Variants in PCDHGB2 observed in about 807,000 individuals in gnomAD.
The protein encoded by PCDHGB2 is protocadherin gamma subfamily B, 2.
In PCDHGB2, 55 loss-of-function variants were observed where a neutral mutation model predicts 59.3. The observed-to-expected ratio is 0.93, with a 90% CI of 0.75 to 1.16. The LOEUF is 1.16. Among genes scored for constraint, PCDHGB2 ranks in the 50% most tolerant of loss-of-function variants. PCDHGB2 has a pLI of 0.00. For synonymous variants in PCDHGB2, 516 were observed against 512.0 expected (o/e 1.01, Z -0.11); for missense variants, 1,228 against 1,198.5 (o/e 1.02, Z -0.36).
In PCDHGB2 at chr5:141,427,967, G is replaced by A. The variant is rs535332244; in HGVS notation, c.2421+65411G>A. On this transcript the variant is annotated intron_variant, in intron 1 of 3. Coordinates refer to ENST00000522605, the MANE Select transcript of PCDHGB2 (RefSeq NM_018923.3). The stretch of plus-strand genomic sequence containing the variant: ...TCAATGACAATGTGCCGCGGGTGCT[G>A]TACCCCGCGCTGGGGCCCGATGGCT... 10 of 1,591,190 alleles carry A rather than the reference G, an allele frequency of 6.3e-6. No individual in the cohort carries two copies. In the East Asian group the frequency reaches 8.9e-5, roughly 14 times the overall value.
intron 1 of PCDHGB2, chr5:141,365,874 A>G (rs1015574143): frequency 3.1e-6 from 5 of 1,613,932 alleles, no homozygotes; most frequent in African/African-American, 2.7e-5. Flanking sequence ...GGTGTCCTGT[A>G]TGCTCTGAGA....
rs2233612 is a variant in PCDHGB2 at position 141,511,014 on chromosome 5, A to G, written c.2637A>G (p.Gly879=). 8.6e-4 allele frequency: 1,386 copies of G among 1,614,082 alleles called. 14 individuals are homozygous for G. The African/African-American group carries it at 0.017, about 20-fold the overall frequency. The change falls in exon 4 of 4, where the codon GGA becomes GGG. Residue 879 remains glycine, a synonymous_variant. Coordinates refer to ENST00000522605, the MANE Select transcript of PCDHGB2 (RefSeq NM_018923.3). ...AGTMGLSARY[G]PQFTLQHVPD... ...CCATGGGATTGAGCGCCCGCTACGG[A>G]CCCCAGTTCACCCTGCAGCACGTGC...
chr5:141,423,260 G>A (rs1402237346), intron 1 of PCDHGB2: 2 of 1,613,996 alleles, frequency 1.2e-6, no homozygotes, highest in South Asian at 1.1e-5. Flanking sequence ...GACCTCGGCA[G>A]CCTCGAGTCT....
intron 1 of PCDHGB2, chr5:141,423,261 C>T (rs1181343306): frequency 6.2e-7 from 1 of 1,613,870 alleles, no homozygotes; most frequent in Non-Finnish European, 8.5e-7. Flanking sequence ...ACCTCGGCAG[C>T]CTCGAGTCTC....
rs759187963 is a variant in PCDHGB2, at chr5:141,361,482, C to A, written c.1347C>A (p.Ala449=). The A allele has an allele frequency of 2.5e-6, 4 of 1,613,988 alleles. No homozygotes were observed. Among genetic ancestry groups the A allele is most frequent in the Non-Finnish European group, 3.4e-6 (4 of 1,179,892 alleles). The change falls in exon 1 of 4, where the codon GCC becomes GCA. Residue 449 remains alanine, a synonymous_variant. Transcript: ENST00000522605. ...TLHISDVNDN[A]PVFQQTSYMV... is the part of the protein sequence containing the mutation. The stretch of plus-strand genomic sequence containing the variant: ...ACATCTCCGACGTCAACGATAATGC[C>A]CCAGTTTTCCAACAGACTTCCTACA...
chr5:141,374,773 A>T (rs192855761), intron 1 of PCDHGB2: 9 of 1,613,812 alleles, frequency 5.6e-6, no homozygotes, highest in Middle Eastern at 1.6e-4. Context: ...AAATTCTGGT[A>T]ACAGTTCTAG....
At chr5:141,405,074 G>A (rs536930748) in intron 1 of PCDHGB2, 7 of 1,613,794 alleles carry the variant, frequency 4.3e-6, no homozygotes, top group Non-Finnish European at 5.1e-6. Context: ...CCTCACCTTC[G>A]TTATCACGCT....
chr5:141,405,901 G>A (rs954255473), intron 1 of PCDHGB2, among the ~76,000 whole-genome samples: 1 of 152,092 alleles, frequency 6.6e-6, no homozygotes, highest in Non-Finnish European at 1.5e-5. Context: ...ACTGAAAGGA[G>A]GCATTTATTA....
At chr5:141,427,198 T>G (rs1345851173) in intron 1 of PCDHGB2, 1 of 456,584 alleles carries the variant, frequency 2.2e-6, no homozygotes, top group African/African-American at 2.0e-5. Flanking sequence ...AAAGACTTAA[T>G]AGACTTCGAA....
intron 1 of PCDHGB2, chr5:141,371,847 G>C: frequency 6.2e-7 from 1 of 1,613,670 alleles, no homozygotes; most frequent in Non-Finnish European, 8.5e-7. Flanking sequence ...GGGACCTAAT[G>C]GCCTTGTCTC....
At chr5:141,386,678 G>T (rs1376452903) in intron 1 of PCDHGB2, among the ~76,000 whole-genome samples, 2 of 152,012 alleles carry the variant, frequency 1.3e-5, no homozygotes, top group African/African-American at 4.8e-5. Context: ...CATTTCAGAT[G>T]TACAATCACT....
intron 2 of PCDHGB2, among the ~76,000 whole-genome samples, chr5:141,496,903 A>G (rs990378360): frequency 1.1e-4 from 16 of 150,744 alleles, no homozygotes; most frequent in Non-Finnish European, 2.4e-4. Flanking sequence ...AAAAAAAAAA[A>G]GGCTGGGCAC....
At chr5:141,481,813 G>C (rs185558948) in intron 1 of PCDHGB2, among the ~76,000 whole-genome samples, 1 of 151,824 alleles carries the variant, frequency 6.6e-6, no homozygotes, top group African/African-American at 2.4e-5. Flanking sequence ...TTCACCAGGC[G>C]TGGTGGCTGA....
rs762662380 is a variant in PCDHGB2, at chr5:141,419,561, G to A, written c.2421+57005G>A. 9 of 1,611,728 alleles carry A rather than the reference G, an allele frequency of 5.6e-6. No individual in the cohort carries two copies. The Admixed American group carries it at 1.2e-4, about 21-fold the overall frequency. The stretch of plus-strand genomic sequence containing the variant: ...ACCGCGGGTGCTGTACCCTGCGCTG[G>A]GTCCCGACGGCTCCGCGCTCTTCGA... On this transcript the variant is annotated intron_variant, in intron 1 of 3. Coordinates refer to ENST00000522605, the MANE Select transcript of PCDHGB2 (RefSeq NM_018923.3).
chr5:141,509,621 C>T (rs1179988828), intron 3 of PCDHGB2, among the ~76,000 whole-genome samples: 1 of 152,178 alleles, frequency 6.6e-6, no homozygotes, highest in African/African-American at 2.4e-5. Flanking sequence ...AAACAAGTTC[C>T]TGGGTGATGC....
At chr5:141,473,779 T>C (rs2099328680) in intron 1 of PCDHGB2, among the ~76,000 whole-genome samples, 1 of 152,204 alleles carries the variant, frequency 6.6e-6, no homozygotes, top group Non-Finnish European at 1.5e-5. Context: ...GGTATTTTAA[T>C]TCAAGAGCAG....
rs1205353926 is a variant in PCDHGB2 at position 141,477,969 on chromosome 5, T to A, written c.2422-16838T>A. 6.2e-7 allele frequency: 1 copy of A among 1,613,962 alleles called. No homozygotes were observed. Among genetic ancestry groups the A allele is most frequent in the Non-Finnish European group, 8.5e-7 (1 of 1,180,032 alleles). ...CTCTTGGGATCCCCTAACCAGAGCC[T>A]TTTTGCCATAGGGCTGCACACTGGT... On this transcript the variant is annotated intron_variant, in intron 1 of 3. Coordinates refer to ENST00000522605, the MANE Select transcript of PCDHGB2 (RefSeq NM_018923.3). The surrounding 1 kb of genome is among the most constrained non-coding windows in gnomAD (Gnocchi z 4.9).
chr5:141,427,494 A>G (rs1220750249), intron 1 of PCDHGB2: 1 of 560,916 alleles, frequency 1.8e-6, no homozygotes, highest in Non-Finnish European at 3.4e-6. Context: ...TAAGCTTGTA[A>G]CAGATGGGAC....
chr5:141,431,424 G>T lies in PCDHGB2; in HGVS notation c.2422-63383G>T, dbSNP rs747132868. 6.8e-6 allele frequency: 11 copies of T among 1,613,676 alleles called. No homozygotes were observed. The highest frequency in any genetic ancestry group is 5.9e-6 in the Non-Finnish European group (7 of 1,180,028). On this transcript the variant is annotated intron_variant, in intron 1 of 3. Coordinates refer to ENST00000522605, the MANE Select transcript of PCDHGB2 (RefSeq NM_018923.3). The surrounding 1 kb of genome is among the most constrained non-coding windows in gnomAD (Gnocchi z 4.8). ...GCCTCCGACGGGGGCGACCCGGTGC[G>T]CACAGGCACCGCGCGCATCCGCGTG...
Sources: gnomAD v4.1 joint callset for allele counts (sites outside exome capture counted in the v4.1 genomes callset) on GRCh38, gnomAD v4.1.1 for gene constraint, Gnocchi (gnomAD v3.1) non-coding constraint, MANE v1.5 for transcripts, NCBI Gene and HGNC (gene_info 2026-07-23, HGNC 2026-07-21) for gene names.